The following PREX2 variants were observed in gnomAD, a reference collection of about 807,000 sequenced individuals.
The protein encoded by PREX2 is phosphatidylinositol 3,4,5-trisphosphate-dependent Rac exchanger 2 protein.
A neutral mutation model predicts 203.2 loss-of-function variants in PREX2; 107 were observed. The ratio of observed to expected loss-of-function variants is 0.53; its 90% CI spans 0.45 to 0.62. PREX2 has a LOEUF of 0.62. Ranked by LOEUF, PREX2 falls within the 20% of genes least tolerant of loss-of-function variation. The probability of loss-of-function intolerance (pLI) is 0.00; values close to 1 mark genes in which losing one functional copy is unlikely to be tolerated. For missense variants in PREX2, 1,777 were observed against 1,955.9 expected (o/e 0.91, Z 1.72); for synonymous variants, 672 against 663.6 (o/e 1.01, Z -0.19).
chr8:68,198,684 G>C (rs966741561), intron 37 of PREX2, among the ~76,000 whole-genome samples: 2 of 152,002 alleles, frequency 1.3e-5, no homozygotes, highest in African/African-American at 4.8e-5. Flanking sequence ...CATTAATTTC[G>C]GCCTCCTTAG....
intron 33 of PREX2, among the ~76,000 whole-genome samples, chr8:68,139,597 C>A (rs1341438432): frequency 6.6e-6 from 1 of 152,126 alleles, no homozygotes; most frequent in Non-Finnish European, 1.5e-5. Flanking sequence ...TATTCTAGGA[C>A]CAAGGGCAGA....
intron 6 of PREX2, 122 bp from the exon 7 acceptor site, chr8:68,038,037 C>G: frequency 9.5e-7 from 1 of 1,050,564 alleles, no homozygotes; most frequent in Non-Finnish European, 1.4e-6. Flanking sequence ...ACTGCTTGCA[C>G]TTTAGCCTGT....
At chr8:68,093,230 A>C (rs984429862) in intron 20 of PREX2, among the ~76,000 whole-genome samples, 15 of 151,844 alleles carry the variant, frequency 9.9e-5, no homozygotes, top group Non-Finnish European at 1.9e-4. Context: ...GTCTTTACTA[A>C]AAATACAAAA....
chr8:68,156,958 C>G (rs1811554045), intron 34 of PREX2, among the ~76,000 whole-genome samples: 1 of 152,050 alleles, frequency 6.6e-6, no homozygotes, highest in African/African-American at 2.4e-5. Flanking sequence ...TCAAAATAAC[C>G]AGATCAAAAT....
intron 32 of PREX2, 35 bp from the exon 33 acceptor site, chr8:68,138,380 A>G: frequency 8.8e-7 from 1 of 1,132,938 alleles, no homozygotes; most frequent in Non-Finnish European, 1.3e-6. Flanking sequence ...GCTTTATATC[A>G]TCTTGTATTA....
intron 11 of PREX2, among the ~76,000 whole-genome samples, chr8:68,068,408 T>A (rs1809083310): frequency 6.6e-6 from 1 of 151,986 alleles, no homozygotes; most frequent in African/African-American, 2.4e-5. Context: ...AGAAAAAAAA[T>A]TAACTGACAT....
intron 8 of PREX2, among the ~76,000 whole-genome samples, chr8:68,047,506 T>TAC (rs371987261): frequency 9.1e-5 from 5 of 54,934 alleles, no homozygotes; most frequent in African/African-American, 7.1e-4. Context: ...TATATATATA[T>TAC]ACACATACAT....
intron 8 of PREX2, among the ~76,000 whole-genome samples, chr8:68,049,339 G>T (rs1447171268): frequency 6.6e-6 from 1 of 151,812 alleles, no homozygotes; most frequent in Non-Finnish European, 1.5e-5. Context: ...TTAGACATCA[G>T]TTTCTTGATG....
intron 24 of PREX2, among the ~76,000 whole-genome samples, chr8:68,109,198 C>T (rs1810482448): frequency 1.3e-5 from 2 of 152,082 alleles, no homozygotes; most frequent in Admixed American, 1.3e-4. Flanking sequence ...GTATAAAGTG[C>T]TCTCAGCACC....
intron 5 of PREX2, among the ~76,000 whole-genome samples, chr8:68,027,942 C>T (rs1340023779): frequency 6.6e-6 from 1 of 152,046 alleles, no homozygotes; most frequent in Non-Finnish European, 1.5e-5. Context: ...GTGCCAACTA[C>T]TGCCCTTACT....
Position 68,093,676 on chromosome 8 carries a change from G to A in PREX2, c.2322G>A (p.Lys774=). The change falls in exon 21 of 40, where the codon AAG becomes AAA. Residue 774 remains lysine (K), a synonymous_variant. Coordinates refer to ENST00000288368, the MANE Select transcript of PREX2 (RefSeq NM_024870.4). Reference sequence around the variant, plus strand: ...AAGACCTTCAAAAATCTCACTCCAAGCCCCCTGGAGATGAAGCAGGGGATG... The same window carrying A: ...AAGACCTTCAAAAATCTCACTCCAAACCCCCTGGAGATGAAGCAGGGGATG... ...AQEDLQKSHS[K]PPGDEAGDAF... 1 of 1,610,918 alleles carries A rather than the reference G, an allele frequency of 6.2e-7. No homozygotes were observed. The highest frequency in any genetic ancestry group is 8.5e-7 in the Non-Finnish European group (1 of 1,177,394).
intron 1 of PREX2, among the ~76,000 whole-genome samples, chr8:67,968,197 C>T (rs1805829546): frequency 6.6e-6 from 1 of 151,988 alleles, no homozygotes; most frequent in African/African-American, 2.4e-5. Context: ...CCCTATGTGG[C>T]CTGTAAAGTG....
chr8:68,025,477 A>T (rs1334714344), intron 4 of PREX2, among the ~76,000 whole-genome samples: 1 of 151,848 alleles, frequency 6.6e-6, no homozygotes, highest in African/African-American at 2.4e-5. Flanking sequence ...TGATGTGTTT[A>T]TGTGTGGGGA....
intron 37 of PREX2, among the ~76,000 whole-genome samples, chr8:68,215,567 C>T (rs11779757): frequency 0.064 from 9,747 of 151,780 alleles, 509 homozygotes; most frequent in African/African-American, 0.14. Context: ...GACAGAGTCT[C>T]GCTGTCGCCC....
At chr8:68,172,117 A>C (rs930500146) in intron 35 of PREX2, among the ~76,000 whole-genome samples, 1 of 152,190 alleles carries the variant, frequency 6.6e-6, no homozygotes, top group Non-Finnish European at 1.5e-5. Context: ...TTCTGTGTGC[A>C]GACTTGGAAA....
At chr8:68,109,035 A>G (rs1422048113) in intron 24 of PREX2, 1 of 454,524 alleles carries the variant, frequency 2.2e-6, no homozygotes, top group Non-Finnish European at 4.4e-6. Context: ...GGTGAGTAGC[A>G]GGGCCTGGGG....
At chr8:68,080,872 TATC>T in intron 17 of PREX2, 34 bp downstream of exon 17, 1 of 1,136,998 alleles carries the variant, frequency 8.8e-7, no homozygotes, top group Non-Finnish European at 1.3e-6. Context: ...TTAAATTTGT[TATC>T]ATGACATAAA....
chr8:68,083,184 C>A, intron 17 of PREX2, 56 bp from the exon 18 acceptor site: 1 of 1,374,310 alleles, frequency 7.3e-7, no homozygotes, highest in Non-Finnish European at 9.9e-7. Flanking sequence ...TTGTGAAAAA[C>A]TCAAAATTTC....
At chr8:68,116,484 A>G (rs141315897) in intron 26 of PREX2, among the ~76,000 whole-genome samples, 125 of 152,260 alleles carry the variant, frequency 8.2e-4, no homozygotes, top group African/African-American at 2.9e-3. Context: ...AAAAAACAGA[A>G]ATTTATTATC....
Sources: gnomAD v4.1 joint callset for allele counts (sites outside exome capture counted in the v4.1 genomes callset) on GRCh38, gnomAD v4.1.1 for gene constraint, MANE v1.5 for transcripts, NCBI Gene and HGNC (gene_info 2026-07-23, HGNC 2026-07-21) for gene names.